The following SHISA9 variants were observed in gnomAD, a reference collection of about 807,000 sequenced individuals.
The protein encoded by SHISA9 is protein shisa-9.
A neutral mutation model predicts 38.0 loss-of-function variants in SHISA9; 13 were observed. The ratio of observed to expected loss-of-function variants is 0.34; its 90% CI spans 0.22 to 0.54. The LOEUF (loss-of-function observed/expected upper bound fraction) is 0.54, where lower values mean the gene tolerates loss of function less well. SHISA9 is among the 20% of genes least tolerant of loss of function. The pLI is 0.91. For synonymous variants in SHISA9, 275 were observed against 242.0 expected, an observed-to-expected ratio of 1.14 and a Z score of -1.27; for missense variants, 538 against 575.8, an observed-to-expected ratio of 0.93 and a Z score of 0.67.
At chr16:13,057,979 T>A (rs996623134) in intron 2 of SHISA9, among the ~76,000 whole-genome samples, 8 of 152,168 alleles carry the variant, frequency 5.3e-5, no homozygotes, top group Non-Finnish European at 1.0e-4. Flanking sequence ...AAGGACATGA[T>A]CTCGTTCCTT....
chr16:12,993,349 G>A (rs533988964), intron 2 of SHISA9, among the ~76,000 whole-genome samples: 25 of 152,210 alleles, frequency 1.6e-4, no homozygotes, highest in African/African-American at 6.0e-4. Flanking sequence ...GTAGTTAATT[G>A]CATGGACTCT....
intron 2 of SHISA9, among the ~76,000 whole-genome samples, chr16:13,004,024 A>G (rs2134038): frequency 0.17 from 26,305 of 152,098 alleles, 3,898 homozygotes; most frequent in African/African-American, 0.4. Flanking sequence ...TGGGTGAACC[A>G]ATGTGTTGGG....
chr16:13,404,652 G>A, the SHISA9 span, among the ~76,000 whole-genome samples: 1 of 152,180 alleles, frequency 6.6e-6, no homozygotes, highest in Admixed American at 6.5e-5. Context: ...TGTGAGCTAT[G>A]CTAGGTATTT....
chr16:12,904,180 C>A (rs1362517314), intron 1 of SHISA9, among the ~76,000 whole-genome samples: 1 of 152,158 alleles, frequency 6.6e-6, no homozygotes, highest in African/African-American at 2.4e-5. Context: ...TGTTAATTCC[C>A]CGGGTCTGTG....
At chr16:13,400,095 C>T in the SHISA9 span, among the ~76,000 whole-genome samples, 4,057 of 152,256 alleles carry the variant, frequency 0.027, 196 homozygotes, top group African/African-American at 0.093. Context: ...TCCATGGAAA[C>T]ATTGTTGGCC....
At chr16:13,353,481 A>C in the SHISA9 span, among the ~76,000 whole-genome samples, 2 of 151,944 alleles carry the variant, frequency 1.3e-5, no homozygotes, top group Non-Finnish European at 2.9e-5. Context: ...GGCTTGGAAA[A>C]ATAGTGTAAA....
chr16:13,400,002 T>G, the SHISA9 span, among the ~76,000 whole-genome samples: 2 of 152,242 alleles, frequency 1.3e-5, no homozygotes, highest in African/African-American at 4.8e-5. Flanking sequence ...GCGTATCAGG[T>G]GCTCTCAGTA....
chr16:13,052,708 C>T (rs1237506238), intron 2 of SHISA9, among the ~76,000 whole-genome samples: 1 of 152,122 alleles, frequency 6.6e-6, no homozygotes, highest in Non-Finnish European at 1.5e-5. Context: ...CTTTAACCAT[C>T]TGTTGTTCTT....
the SHISA9 span, among the ~76,000 whole-genome samples, chr16:13,514,872 A>T: frequency 1.3e-5 from 2 of 152,148 alleles, no homozygotes; most frequent in Non-Finnish European, 2.9e-5. Flanking sequence ...AGAGGAAATT[A>T]TAGAAGCAGC....
chr16:12,951,850 T>C (rs1464691319), intron 2 of SHISA9, among the ~76,000 whole-genome samples: 1 of 152,200 alleles, frequency 6.6e-6, no homozygotes, highest in Non-Finnish European at 1.5e-5. Context: ...GCTTGGAGTA[T>C]GAAACACTCC....
At chr16:13,085,855 A>G (rs1395525883) in intron 2 of SHISA9, among the ~76,000 whole-genome samples, 1 of 152,216 alleles carries the variant, frequency 6.6e-6, no homozygotes, top group Non-Finnish European at 1.5e-5. Context: ...ACATGAAGGA[A>G]AGTTAGCACA....
chr16:12,962,143 G>C (rs2071919915), intron 2 of SHISA9, among the ~76,000 whole-genome samples: 1 of 152,214 alleles, frequency 6.6e-6, no homozygotes, highest in Non-Finnish European at 1.5e-5. Context: ...CCACTGCCTG[G>C]CCATCATGTG....
the SHISA9 span, among the ~76,000 whole-genome samples, chr16:13,461,623 A>ATTTTTTTTTTTTTTTTTTT: frequency 9.4e-6 from 1 of 106,866 alleles, no homozygotes; most frequent in Non-Finnish European, 1.8e-5. Flanking sequence ...TTTTTTTTTA[A>ATTTTTTTTTTTTTTTTTTT]TTTTTTTTTT....
chr16:13,554,861 A>G, the SHISA9 span, among the ~76,000 whole-genome samples: 1 of 152,190 alleles, frequency 6.6e-6, no homozygotes, highest in Non-Finnish European at 1.5e-5. Flanking sequence ...GCCATTTTGA[A>G]TCATGAGGGG....
At chr16:13,062,128 G>A (rs1452113362) in intron 2 of SHISA9, among the ~76,000 whole-genome samples, 2 of 151,858 alleles carry the variant, frequency 1.3e-5, no homozygotes, top group Admixed American at 6.6e-5. Context: ...TTGAATCTCA[G>A]ACAAACAACG....
the SHISA9 span, among the ~76,000 whole-genome samples, chr16:13,376,952 C>T: frequency 6.6e-6 from 1 of 152,202 alleles, no homozygotes; most frequent in Admixed American, 6.5e-5. Context: ...GCTGGCATTA[C>T]AGGCATAATC....
chr16:12,940,548 A>G (rs1436992112), intron 2 of SHISA9, among the ~76,000 whole-genome samples: 1 of 152,180 alleles, frequency 6.6e-6, no homozygotes, highest in Non-Finnish European at 1.5e-5. Flanking sequence ...AATAGGGGAA[A>G]GACACAGAGG....
At chr16:13,251,380 G>T in the SHISA9 span, among the ~76,000 whole-genome samples, 4 of 152,202 alleles carry the variant, frequency 2.6e-5, no homozygotes, top group Non-Finnish European at 5.9e-5. Flanking sequence ...GGTGTACCCA[G>T]TTAGCACCTG....
intron 2 of SHISA9, among the ~76,000 whole-genome samples, chr16:13,074,131 G>A (rs1296966986): frequency 6.6e-6 from 1 of 151,972 alleles, no homozygotes; most frequent in Non-Finnish European, 1.5e-5. Flanking sequence ...CATCACGCCT[G>A]GCTAATTTTT....
Sources: allele counts gnomAD v4.1 joint callset (sites outside exome capture counted in the v4.1 genomes callset), GRCh38; gene constraint gnomAD v4.1.1; transcripts MANE v1.5; gene names NCBI Gene and HGNC (gene_info 2026-07-23, HGNC 2026-07-21).